The following MYO1E variants were observed in gnomAD, a reference collection of about 807,000 sequenced individuals.
MYO1E encodes the protein unconventional myosin-Ie.
Under a neutral mutation model 151.1 loss-of-function variants are expected in MYO1E, and 68 were observed. The observed-to-expected ratio is 0.45, with a 90% CI of 0.37 to 0.55. MYO1E has a LOEUF of 0.55. MYO1E is among the 20% of genes least tolerant of loss of function. The pLI, the probability that MYO1E is intolerant of heterozygous loss-of-function variation, is 0.00. For synonymous variants in MYO1E, 601 were observed against 501.7 expected (o/e 1.20, Z -2.64); for missense variants, 1,363 against 1,389.3 (o/e 0.98, Z 0.30).
Position 59,202,421 on chromosome 15 carries a change from A to T in MYO1E, c.1617-14T>A. ...TTTATGAAAGGCCTGGAAAAGGAGA[A>T]AGAGAATGAATTAACAATCTGTAAG... On this transcript the variant is annotated splice_polypyrimidine_tract_variant and intron_variant, in intron 15 of 27. Transcript: ENST00000288235. 9 of 1,610,642 alleles carry T rather than the reference A, an allele frequency of 5.6e-6. No homozygotes were observed. The highest frequency in any genetic ancestry group is 7.6e-6 in the Non-Finnish European group (9 of 1,176,844).
At chr15:59,262,565 T>C (rs1596389924) in intron 2 of MYO1E, among the ~76,000 whole-genome samples, 1 of 151,834 alleles carries the variant, frequency 6.6e-6, no homozygotes, top group African/African-American at 2.4e-5. Context: ...GAGTCGGAGG[T>C]TGCAGTGAGC....
chr15:59,368,745 CAA>C (rs71996121), intron 1 of MYO1E, among the ~76,000 whole-genome samples: 1 of 144,308 alleles, frequency 6.9e-6, no homozygotes, highest in African/African-American at 2.5e-5. Context: ...GACTCCAACT[CAA>C]AAAAAAAAAG....
intron 2 of MYO1E, among the ~76,000 whole-genome samples, chr15:59,263,252 G>C (rs2080234526): frequency 6.6e-6 from 1 of 152,204 alleles, no homozygotes; most frequent in Non-Finnish European, 1.5e-5. Context: ...TGTTCAGTCA[G>C]ATTGGCTGGT....
At chr15:59,288,332 T>C (rs374179254) in intron 1 of MYO1E, among the ~76,000 whole-genome samples, 1 of 152,182 alleles carries the variant, frequency 6.6e-6, no homozygotes. Flanking sequence ...TGTGCCACCA[T>C]GTCTGGCTAA....
At chr15:59,279,309 G>A (rs2080339701) in intron 1 of MYO1E, among the ~76,000 whole-genome samples, 1 of 152,146 alleles carries the variant, frequency 6.6e-6, no homozygotes, top group African/African-American at 2.4e-5. Flanking sequence ...GGCCCCCGGT[G>A]GAGAAGTGTT....
At chr15:59,216,685 TACAC>T (rs1180330982) in intron 10 of MYO1E, among the ~76,000 whole-genome samples, 4,846 of 38,276 alleles carry the variant, frequency 0.13, 407 homozygotes, top group Admixed American at 0.25. Flanking sequence ...TATATATATA[TACAC>T]ATACACACAC....
chr15:59,233,851 T>A (rs1473332456), intron 5 of MYO1E, among the ~76,000 whole-genome samples: 1 of 148,078 alleles, frequency 6.8e-6, no homozygotes, highest in Admixed American at 6.8e-5. Context: ...AACTGAGGTG[T>A]AACTGTAGAA....
rs1292483713 is a variant in MYO1E at position 59,206,784 on chromosome 15, T to G, written c.1531-1299A>C. 55 of 683,132 alleles carry G rather than the reference T, an allele frequency of 8.1e-5. 1 individual carries two copies. The highest frequency in any genetic ancestry group is 4.8e-6 in the Non-Finnish European group (2 of 412,530). The allele number at this position is 683,132 out of a possible 1,614,324, so 42.3% of individuals were successfully genotyped here. On this transcript the variant is annotated intron_variant, in intron 14 of 27. Coordinates refer to ENST00000288235, the MANE Select transcript of MYO1E (RefSeq NM_004998.4). The stretch of plus-strand genomic sequence containing the variant: ...CACGGAAAGCACGTGTCGGAGACTC[T>G]GGCAAGGCCCGCGCAGCCGCAGTAG...
intron 10 of MYO1E, among the ~76,000 whole-genome samples, chr15:59,216,709 C>T (rs1168589792): frequency 2.1e-5 from 2 of 94,608 alleles, no homozygotes; most frequent in African/African-American, 8.6e-5. Flanking sequence ...CACACACACA[C>T]ACACACACAC....
In MYO1E at chr15:59,267,379, G is replaced by A. The variant is rs141077649; in HGVS notation, c.147+4927C>T. 1.2e-3 allele frequency among the ~76,000 whole-genome samples: 186 copies of A among 152,292 alleles called. 2 individuals are homozygous for A. The highest frequency in any genetic ancestry group is 3.9e-3 in the African/African-American group (164 of 41,570). On this transcript the variant is annotated intron_variant, in intron 2 of 27. Coordinates refer to ENST00000288235, the MANE Select transcript of MYO1E (RefSeq NM_004998.4). The stretch of plus-strand genomic sequence containing the variant: ...TTTCCCAAAACCACCTACGCTGGTC[G>A]AGTGGACTTCCTTGGGTTCATCCCT...
chr15:59,355,507 A>G (rs1226668072), intron 1 of MYO1E, among the ~76,000 whole-genome samples: 5 of 152,214 alleles, frequency 3.3e-5, no homozygotes, highest in African/African-American at 1.2e-4. Flanking sequence ...AAAAGCTCAA[A>G]AAGTGCAAAT....
intron 1 of MYO1E, among the ~76,000 whole-genome samples, chr15:59,314,708 T>C (rs1186483259): frequency 6.6e-6 from 1 of 152,178 alleles, no homozygotes; most frequent in African/African-American, 2.4e-5. Flanking sequence ...GAGGGGGTAC[T>C]ACTGGTATCT....
chr15:59,368,942 C>T (rs1333218917), intron 1 of MYO1E, among the ~76,000 whole-genome samples: 3 of 152,192 alleles, frequency 2.0e-5, no homozygotes, highest in African/African-American at 7.2e-5. Context: ...TCACACTTGT[C>T]CCTAGATAAT....
chr15:59,277,862 AT>A (rs1316528757), intron 1 of MYO1E, among the ~76,000 whole-genome samples: 2 of 152,162 alleles, frequency 1.3e-5, no homozygotes, highest in African/African-American at 4.8e-5. Flanking sequence ...AATTTGTGTA[AT>A]TTTTTTAAAA....
At chr15:59,175,868 G>A (rs2079621613) in intron 19 of MYO1E, among the ~76,000 whole-genome samples, 1 of 152,094 alleles carries the variant, frequency 6.6e-6, no homozygotes, top group South Asian at 2.1e-4. Flanking sequence ...AAAAGCCCAG[G>A]GGGTTAGAAA....
At chr15:59,295,830 A>T (rs2080445274) in intron 1 of MYO1E, among the ~76,000 whole-genome samples, 1 of 152,156 alleles carries the variant, frequency 6.6e-6, no homozygotes, top group Admixed American at 6.5e-5. Context: ...GGTCCAGCTC[A>T]TCTGCTTTGG....
At chr15:59,229,369 G>T (rs532367121) in intron 6 of MYO1E, among the ~76,000 whole-genome samples, 12 of 152,320 alleles carry the variant, frequency 7.9e-5, no homozygotes, top group African/African-American at 2.9e-4. Flanking sequence ...TGATTTTTAT[G>T]TGTGGTCAAG....
At chr15:59,328,011 C>T (rs1292075826) in intron 1 of MYO1E, among the ~76,000 whole-genome samples, 1 of 152,200 alleles carries the variant, frequency 6.6e-6, no homozygotes, top group African/African-American at 2.4e-5. Context: ...GTGGGCCCAA[C>T]AGCCTGGGCA....
chr15:59,357,351 A>G (rs2080860271), intron 1 of MYO1E, among the ~76,000 whole-genome samples: 1 of 152,192 alleles, frequency 6.6e-6, no homozygotes, highest in South Asian at 2.1e-4. Context: ...GATCAGAAGG[A>G]AAGACAAAAT....
Sources: allele counts gnomAD v4.1 joint callset (sites outside exome capture counted in the v4.1 genomes callset), GRCh38; gene constraint gnomAD v4.1.1; transcripts MANE v1.5; gene names NCBI Gene and HGNC (gene_info 2026-07-23, HGNC 2026-07-21).